The following CCDC180 variants were observed in gnomAD, a reference collection of about 807,000 sequenced individuals.
CCDC180 encodes the protein coiled-coil domain containing 180.
Under a neutral mutation model 209.2 loss-of-function variants are expected in CCDC180, and 154 were observed. The observed-to-expected ratio is 0.74, with a 90% CI of 0.65 to 0.84. The LOEUF (loss-of-function observed/expected upper bound fraction) is 0.84, where lower values mean the gene tolerates loss of function less well. CCDC180 is among the 40% of genes least tolerant of loss of function. The pLI is 0.00. For missense variants in CCDC180, 1,874 were observed against 1,997.3 expected (o/e 0.94, Z 1.18); for synonymous variants, 778 against 749.1 (o/e 1.04, Z -0.63).
At chr9:97,354,167 T>A (rs1826500378) in intron 22 of CCDC180, among the ~76,000 whole-genome samples, 1 of 151,954 alleles carries the variant, frequency 6.6e-6, no homozygotes. Flanking sequence ...CTGGCTAATT[T>A]TTTTTACTTT....
chr9:97,309,461 G>T lies in CCDC180; in HGVS notation c.117G>T (p.Glu39Asp), dbSNP rs1832907197. ...CGGCCACCAGGAAGCGGGCTGCAGA[G>T]CGTTCTGTGACCCTGAAGAGTGGCA... is the stretch of plus-strand genomic sequence containing the variant. ...SLAATRKRAA[E>D]RSVTLKSGRI... is the part of the protein sequence containing the mutation. Residue 39 changes from glutamate (E) to aspartate (D), a missense_variant, in exon 3 of 37, where the codon GAG becomes GAT. Transcript: ENST00000529487. 2 of 1,604,928 alleles carry T rather than the reference G, an allele frequency of 1.2e-6. No homozygotes were observed. Among genetic ancestry groups the T allele is most frequent in the Admixed American group, 1.7e-5 (1 of 58,604 alleles).
rs201402777 is a variant in CCDC180, at chr9:97,314,408, A to G, written c.475A>G (p.Ile159Val). The G allele has an allele frequency of 1.6e-5, 26 of 1,613,956 alleles. No homozygotes were observed. Among genetic ancestry groups the G allele is most frequent in the Non-Finnish European group, 2.1e-5 (25 of 1,179,958 alleles). The change falls in exon 6 of 37, where the codon ATC (isoleucine) becomes GTC (valine). Residue 159 changes from isoleucine to valine, a missense_variant. Coordinates refer to ENST00000529487, the MANE Select transcript of CCDC180 (RefSeq NM_020893.6). Reference protein sequence around the residue: ...AQVGKEMEPLIVDTGGLFLKK... With the variant: ...AQVGKEMEPLVVDTGGLFLKK... Reference sequence around the variant, plus strand: ...CCTGTTGCAGGAAATGGAACCTCTCATCGTGGACACAGGGGGACTTTTTTT... The same window carrying G: ...CCTGTTGCAGGAAATGGAACCTCTCGTCGTGGACACAGGGGGACTTTTTTT...
chr9:97,324,065 T>G, intron 13 of CCDC180, 162 bp downstream of exon 13: 1 of 776,256 alleles, frequency 1.3e-6, no homozygotes, highest in Non-Finnish European at 1.9e-6. Flanking sequence ...CGCTGGCCAC[T>G]CCAAGCTCAC....
chr9:97,324,042 A>C, intron 13 of CCDC180, 139 bp downstream of exon 13: 1 of 1,048,000 alleles, frequency 9.5e-7, no homozygotes, highest in Non-Finnish European at 1.3e-6. Flanking sequence ...CCCCTCTCAG[A>C]GTAGCCCCCT....
At chr9:97,362,727 G>C (rs551070710) in intron 28 of CCDC180, among the ~76,000 whole-genome samples, 1 of 151,496 alleles carries the variant, frequency 6.6e-6, no homozygotes, top group African/African-American at 2.5e-5. Flanking sequence ...AAGAGTTCTG[G>C]GCCTTGGCGC....
chr9:97,314,766 C>T (rs1305911457), intron 7 of CCDC180, 38 bp downstream of exon 7: 1 of 1,605,310 alleles, frequency 6.2e-7, no homozygotes, highest in Non-Finnish European at 8.5e-7. Context: ...GTGACTGTCA[C>T]TTGCCGGGTT....
At position 97,326,658 on chromosome 9, in the gene CCDC180, C is replaced by T; in HGVS notation, c.1650C>T (p.Asn550=). The T allele has an allele frequency of 6.2e-7, 1 of 1,607,104 alleles. No homozygotes were observed. The highest frequency in any genetic ancestry group is 8.5e-7 in the Non-Finnish European group (1 of 1,173,652). Residue 550 remains asparagine (N), a synonymous_variant, in exon 15 of 37, where the codon AAC becomes AAT. Coordinates refer to ENST00000529487, the MANE Select transcript of CCDC180 (RefSeq NM_020893.6). The part of the protein sequence containing the change: ...HLEKVKDYLK[N]MKSRYECFHT... ...AAAAGGTCAAAGATTATCTGAAGAA[C>T]ATGAAATCCAGGTAGGCCAACCAGA... is the stretch of plus-strand genomic sequence containing the variant.
Position 97,347,427 on chromosome 9 carries a change from A to C in CCDC180, c.2612A>C (p.His871Pro), listed in dbSNP as rs771027321. The C allele has an allele frequency of 5.2e-6, 8 of 1,536,144 alleles. No homozygotes were observed. The South Asian group carries it at 9.5e-5, about 18-fold the overall frequency. Residue 871 changes from histidine to proline, a missense_variant, in exon 20 of 37, where the codon CAT becomes CCT. Transcript: ENST00000529487. The part of the protein sequence containing the change: ...INELDSELEL[H>P]LHLHQPRAQQ... The stretch of plus-strand genomic sequence containing the variant: ...GAGCTGGATTCAGAACTGGAGCTGC[A>C]TCTGCACCTGCACCAGCCAAGAGCC...
At position 97,326,563 on chromosome 9, in the gene CCDC180, GC is replaced by G; in HGVS notation, c.1558del (p.His520ThrfsTer9). ...KHSLESQVQE[A>X]HLDRLLDQLR... The stretch of plus-strand genomic sequence containing the variant: ...TGGGGGTGGCTTCCAGGTGCAGGAG[GC>G]CCACCTCGATAGGCTCTTGGACCAA... On this transcript the variant is annotated frameshift_variant, in exon 15 of 37. Coordinates refer to ENST00000529487, the MANE Select transcript of CCDC180 (RefSeq NM_020893.6). LOFTEE classifies it high-confidence loss of function. 3 of 1,609,710 alleles carry G rather than the reference GC, an allele frequency of 1.9e-6. No homozygotes were observed. Among genetic ancestry groups the G allele is most frequent in the African/African-American group, 1.3e-5 (1 of 74,948 alleles).
chr9:97,349,218 G>T lies in CCDC180; in HGVS notation c.2782G>T (p.Val928Leu), dbSNP rs959073896. ...MFCQFQEEQNVRSKNFRLKIY... is the reference protein window; with the variant it reads ...MFCQFQEEQNLRSKNFRLKIY... The stretch of plus-strand genomic sequence containing the variant: ...CTGCCAGTTCCAAGAAGAGCAAAAC[G>T]TGAGGAGCAAAAACTTCCGCCTTAA... Residue 928 changes from valine (V) to leucine (L), a missense_variant, in exon 21 of 37, where the codon GTG becomes TTG. Physicochemically the swap from Val to Leu is conservative, Grantham distance 32 (BLOSUM62 1). Transcript: ENST00000529487. 1.3e-6 allele frequency: 2 copies of T among 1,536,504 alleles called. No individual in the cohort carries two copies. The highest frequency in any genetic ancestry group is 1.2e-5 in the South Asian group (1 of 84,046).
At chr9:97,337,981 G>A (rs1825960967) in intron 18 of CCDC180, among the ~76,000 whole-genome samples, 1 of 152,130 alleles carries the variant, frequency 6.6e-6, no homozygotes, top group Admixed American at 6.5e-5. Flanking sequence ...TCTGATGGTA[G>A]TTTGTATTTC....
At position 97,313,232 on chromosome 9, in the gene CCDC180, G is replaced by C; in HGVS notation, c.350-4G>C. ...GCCTCATCACCTCTGTTGTTGCTCCGCAGTTCCTGAGAAGATAAGCACCAG... is the reference window on the plus strand; with the variant it reads ...GCCTCATCACCTCTGTTGTTGCTCCCCAGTTCCTGAGAAGATAAGCACCAG... On this transcript the variant is annotated splice_polypyrimidine_tract_variant and splice_region_variant and intron_variant, in intron 4 of 36. Transcript: ENST00000529487. 5 of 1,600,912 alleles carry C rather than the reference G, an allele frequency of 3.1e-6. No homozygotes were observed. Among genetic ancestry groups the C allele is most frequent in the Non-Finnish European group, 3.4e-6 (4 of 1,169,830 alleles).
chr9:97,317,092 C>A lies in CCDC180; in HGVS notation c.823C>A (p.Arg275=). The part of the protein sequence containing the change: ...MVMNYALLGN[R]KALAQLFVNL... ...CATGAACTATGCCCTGCTGGGCAAC[C>A]GGAAGGCTCTCGCCCAGCTGTTTGT... Residue 275 remains arginine, a synonymous_variant, in exon 9 of 37, where the codon CGG becomes AGG. Transcript: ENST00000529487. 1 of 1,613,108 alleles carries A rather than the reference C, an allele frequency of 6.2e-7. No individual in the cohort carries two copies. The highest frequency in any genetic ancestry group is 8.5e-7 in the Non-Finnish European group (1 of 1,179,576).
At chr9:97,363,954 C>T in intron 28 of CCDC180, 97 bp from the exon 29 acceptor site, 13 of 1,212,966 alleles carry the variant, frequency 1.1e-5, no homozygotes, top group Non-Finnish European at 1.6e-5. Flanking sequence ...CGGGCAGGCC[C>T]AATGCCTCCA....
In CCDC180 at chr9:97,307,822, T is replaced by C. The variant is rs1192942779; in HGVS notation, c.-82+16T>C. 1 of 1,614,000 alleles carries C rather than the reference T, an allele frequency of 6.2e-7. No homozygotes were observed. Among genetic ancestry groups the C allele is most frequent in the East Asian group, 2.2e-5 (1 of 44,870 alleles). On this transcript the variant is annotated intron_variant, in intron 1 of 36. Coordinates refer to ENST00000529487, the MANE Select transcript of CCDC180 (RefSeq NM_020893.6). The stretch of plus-strand genomic sequence containing the variant: ...CTCATCTGAGGTTAGTTTCATCGTT[T>C]CGTTGAAAGTTAAAACCCTAAGTCG...
intron 3 of CCDC180, among the ~76,000 whole-genome samples, chr9:97,311,074 A>G (rs929120621): frequency 3.3e-5 from 5 of 152,274 alleles, no homozygotes; most frequent in Middle Eastern, 3.4e-3. Flanking sequence ...GTGTTTGAAG[A>G]TTCGGCCAGC....
upstream of CCDC180, chr9:97,307,600 T>G: frequency 1.3e-6 from 1 of 774,952 alleles, no homozygotes; most frequent in Non-Finnish European, 2.2e-6. Flanking sequence ...GGAGGGTGGA[T>G]TAGGGTCCCG....
rs773290099 is a variant in CCDC180 at position 97,330,353 on chromosome 9, G to A, written c.1860G>A (p.Val620=). 6 of 1,614,028 alleles carry A rather than the reference G, an allele frequency of 3.7e-6. No individual in the cohort carries two copies. The highest frequency in any genetic ancestry group is 5.1e-6 in the Non-Finnish European group (6 of 1,180,012). ...EAHEKPSQKR[V]KKLRKKQGSK... ...ATGAAAAACCCTCCCAGAAGAGAGTGAAAAAACTGAGGAAGAAGCAAGGGT... is the reference window on the plus strand; with the variant it reads ...ATGAAAAACCCTCCCAGAAGAGAGTAAAAAAACTGAGGAAGAAGCAAGGGT... The change falls in exon 18 of 37, where the codon GTG becomes GTA. Residue 620 remains valine, a synonymous_variant. Transcript: ENST00000529487.
chr9:97,358,929 A>G (rs560621638), intron 25 of CCDC180, among the ~76,000 whole-genome samples: 3 of 152,228 alleles, frequency 2.0e-5, no homozygotes, highest in South Asian at 4.1e-4. Context: ...TTTTTCTTAT[A>G]TAGTTTATTG....
Sources: gnomAD v4.1 joint callset for allele counts (sites outside exome capture counted in the v4.1 genomes callset) on GRCh38, gnomAD v4.1.1 for gene constraint, MANE v1.5 for transcripts, NCBI Gene and HGNC (gene_info 2026-07-23, HGNC 2026-07-21) for gene names.